DOCK1: variants seen among roughly 807,000 people sequenced by gnomAD.
The protein encoded by DOCK1 is dedicator of cytokinesis protein 1.
In DOCK1, 138 loss-of-function variants were observed where a neutral mutation model predicts 262.7. The observed-to-expected ratio is 0.53, with a 90% CI of 0.46 to 0.61. DOCK1 has a LOEUF of 0.61. Among genes scored for constraint, DOCK1 ranks in the 20% least tolerant of loss-of-function variants. The probability of loss-of-function intolerance (pLI) is 0.00; values close to 1 mark genes in which losing one functional copy is unlikely to be tolerated. For synonymous variants in DOCK1, 866 were observed against 867.4 expected (o/e 1.00, Z 0.03); for missense variants, 1,908 against 2,370.7 (o/e 0.80, Z 4.05).
intron 22 of DOCK1, among the ~76,000 whole-genome samples, chr10:127,060,540 A>G (rs1053130108): frequency 6.6e-6 from 1 of 152,230 alleles, no homozygotes; most frequent in Non-Finnish European, 1.5e-5. Context: ...GTATATTTTT[A>G]ATTAGGCAGC....
chr10:127,255,717 G>A (rs1303815314), intron 28 of DOCK1, among the ~76,000 whole-genome samples: 2 of 152,192 alleles, frequency 1.3e-5, no homozygotes, highest in Non-Finnish European at 1.5e-5. Context: ...AAAGAGAATT[G>A]GGAAAATATG....
intron 1 of DOCK1, among the ~76,000 whole-genome samples, chr10:126,965,794 A>T (rs1354510973): frequency 6.6e-6 from 1 of 152,156 alleles, no homozygotes; most frequent in African/African-American, 2.4e-5. Context: ...TTTATGGGGT[A>T]CACCTTCATG....
At chr10:127,152,151 A>C (rs1422437220) in intron 27 of DOCK1, among the ~76,000 whole-genome samples, 2 of 152,174 alleles carry the variant, frequency 1.3e-5, no homozygotes, top group African/African-American at 4.8e-5. Context: ...TTTAGCTTCC[A>C]AACTAACAGA....
chr10:127,120,042 C>T (rs530353328), intron 25 of DOCK1, among the ~76,000 whole-genome samples: 7 of 152,240 alleles, frequency 4.6e-5, no homozygotes, highest in East Asian at 3.9e-4. Context: ...GGGGAAGGGC[C>T]GTGAAAGGGT....
intron 27 of DOCK1, among the ~76,000 whole-genome samples, chr10:127,139,701 C>G (rs2051039227): frequency 6.6e-6 from 1 of 152,154 alleles, no homozygotes; most frequent in African/African-American, 2.4e-5. Context: ...CCACCTGATG[C>G]TGGTTTGGGA....
At chr10:127,178,301 A>G (rs2055372946) in intron 27 of DOCK1, among the ~76,000 whole-genome samples, 1 of 152,228 alleles carries the variant, frequency 6.6e-6, no homozygotes, top group Admixed American at 6.5e-5. Context: ...ACAACAAAAA[A>G]CAATCTCTGC....
rs182596512 is a variant in DOCK1 at position 127,322,737 on chromosome 10, C to T, written c.3045-16269C>T. Among the ~76,000 whole-genome samples the T allele has an allele frequency of 7.9e-5, 12 of 152,334 alleles. No homozygotes were observed. In the East Asian group the frequency reaches 1.7e-3, roughly 22 times the overall value. On this transcript the variant is annotated intron_variant, in intron 29 of 51. Transcript: ENST00000623213. ...CATACCCATTCACTTTTTGTATTGT[C>T]AGTGGCTGCTTTTGCGCTGTTATAA... is the stretch of plus-strand genomic sequence containing the variant.
At chr10:127,350,381 T>TC (rs1339206197) in intron 31 of DOCK1, among the ~76,000 whole-genome samples, 1 of 151,990 alleles carries the variant, frequency 6.6e-6, no homozygotes, top group Non-Finnish European at 1.5e-5. Flanking sequence ...ACTCCCCTAC[T>TC]CCCTCCCTGC....
intron 27 of DOCK1, among the ~76,000 whole-genome samples, chr10:127,172,025 G>T (rs963628478): frequency 2.0e-5 from 3 of 152,132 alleles, no homozygotes; most frequent in Non-Finnish European, 2.9e-5. Flanking sequence ...TTTTAACTTG[G>T]TCATTTGAGT....
chr10:127,450,502 G>A (rs1045301679), intron 51 of DOCK1, among the ~76,000 whole-genome samples: 4 of 151,998 alleles, frequency 2.6e-5, no homozygotes, highest in African/African-American at 9.7e-5. Context: ...CCACTGACTC[G>A]TTTATTCACT....
At chr10:127,102,660 C>T (rs1407337263) in intron 23 of DOCK1, among the ~76,000 whole-genome samples, 3 of 152,022 alleles carry the variant, frequency 2.0e-5, no homozygotes, top group Admixed American at 6.5e-5. Context: ...GCCAACATGG[C>T]GAAACCTCGT....
chr10:127,258,141 C>T (rs1459692438), intron 29 of DOCK1, among the ~76,000 whole-genome samples: 1 of 152,152 alleles, frequency 6.6e-6, no homozygotes, highest in Non-Finnish European at 1.5e-5. Flanking sequence ...CAGATTTCCT[C>T]AGTTTAATTT....
intron 27 of DOCK1, among the ~76,000 whole-genome samples, chr10:127,222,030 A>G (rs560097429): frequency 2.9e-4 from 44 of 152,092 alleles, no homozygotes; most frequent in Non-Finnish European, 5.7e-4. Flanking sequence ...TAACAAAGTA[A>G]TATTATGGCA....
intron 27 of DOCK1, among the ~76,000 whole-genome samples, chr10:127,202,439 C>G (rs2057511960): frequency 6.6e-6 from 1 of 152,126 alleles, no homozygotes. Flanking sequence ...CCCAGGCCTT[C>G]TGCCCCGGTG....
At chr10:127,082,194 G>C (rs1051511005) in intron 23 of DOCK1, among the ~76,000 whole-genome samples, 1 of 152,162 alleles carries the variant, frequency 6.6e-6, no homozygotes, top group African/African-American at 2.4e-5. Flanking sequence ...GGAAACAAAC[G>C]CTTTCCTTTC....
At chr10:127,072,880 A>G (rs1242768425) in intron 23 of DOCK1, among the ~76,000 whole-genome samples, 1 of 152,220 alleles carries the variant, frequency 6.6e-6, no homozygotes, top group Non-Finnish European at 1.5e-5. Context: ...TGATGGAAAC[A>G]TTTATATCCC....
At chr10:126,937,528 T>G (rs2034636513) in intron 1 of DOCK1, among the ~76,000 whole-genome samples, 2 of 151,742 alleles carry the variant, frequency 1.3e-5, no homozygotes, top group South Asian at 4.2e-4. Context: ...TTTTTTTGTC[T>G]TCTTTTTAAT....
At chr10:127,310,985 A>G (rs183898084) in intron 29 of DOCK1, among the ~76,000 whole-genome samples, 1 of 152,200 alleles carries the variant, frequency 6.6e-6, no homozygotes, top group African/African-American at 2.4e-5. Flanking sequence ...CTTGAACTCA[A>G]CACTTTTTCA....
intron 29 of DOCK1, among the ~76,000 whole-genome samples, chr10:127,291,050 G>A (rs1333878218): frequency 1.3e-5 from 2 of 152,126 alleles, no homozygotes; most frequent in Non-Finnish European, 2.9e-5. Flanking sequence ...GGACAGCTGG[G>A]GCTTTGCATC....
Sources: gnomAD v4.1 joint callset for allele counts (sites outside exome capture counted in the v4.1 genomes callset) on GRCh38, gnomAD v4.1.1 for gene constraint, MANE v1.5 for transcripts, NCBI Gene and HGNC (gene_info 2026-07-23, HGNC 2026-07-21) for gene names.